Variants in TNN observed in about 807,000 individuals in gnomAD.
TNN encodes the protein tenascin N.
TNN carries 122 observed loss-of-function variants against 134.4 expected under a neutral mutation model. That is an observed-to-expected ratio of 0.91 (90% CI 0.78 to 1.06). The LOEUF (loss-of-function observed/expected upper bound fraction) is 1.06, where lower values mean the gene tolerates loss of function less well. Ranked by LOEUF, TNN falls within the 50% of genes least tolerant of loss-of-function variation. The pLI, the probability that TNN is intolerant of heterozygous loss-of-function variation, is 0.00. For missense variants in TNN, 1,739 were observed against 1,699.4 expected (o/e 1.02, Z -0.41); for synonymous variants, 710 against 670.3 (o/e 1.06, Z -0.91).
At chr1:175,135,497 T>G (rs1413207973) in intron 15 of TNN, among the ~76,000 whole-genome samples, 1 of 152,116 alleles carries the variant, frequency 6.6e-6, no homozygotes. Flanking sequence ...GTTGAATGGG[T>G]GTTGAAAGTT....
intron 6 of TNN, among the ~76,000 whole-genome samples, chr1:175,092,236 T>A (rs6661403): frequency 0.55 from 83,401 of 152,062 alleles, 23,469 homozygotes; most frequent in African/African-American, 0.69. Flanking sequence ...AGAAAGTTGT[T>A]ACAGGATGGG....
At chr1:175,109,574 T>C (rs1220266944) in intron 9 of TNN, among the ~76,000 whole-genome samples, 1 of 151,852 alleles carries the variant, frequency 6.6e-6, no homozygotes, top group Non-Finnish European at 1.5e-5. Flanking sequence ...CTTAACATAA[T>C]AACCTCCAGT....
chr1:175,079,028 G>A lies in TNN; in HGVS notation c.410-305G>A, dbSNP rs75414341. Among the ~76,000 whole-genome samples, 393 of 152,184 alleles carry A rather than the reference G, an allele frequency of 2.6e-3. 3 individuals carry two copies. The highest frequency in any genetic ancestry group is 9.1e-3 in the African/African-American group (379 of 41,510). Reference sequence around the variant, plus strand: ...CACCAGGTAGAGAGGAAGGAACCGGGGAATTCACACGGGAAGGGAAAGGAA... The same window carrying A: ...CACCAGGTAGAGAGGAAGGAACCGGAGAATTCACACGGGAAGGGAAAGGAA... On this transcript the variant is annotated intron_variant, in intron 2 of 18. Transcript: ENST00000239462.
chr1:175,102,798 G>T (rs1674761217), intron 9 of TNN, among the ~76,000 whole-genome samples: 1 of 146,408 alleles, frequency 6.8e-6, no homozygotes, highest in Non-Finnish European at 1.5e-5. Flanking sequence ...CAAAGTGGGA[G>T]CCCAGGCAGA....
intron 1 of TNN, among the ~76,000 whole-genome samples, chr1:175,072,926 C>CT (rs60879960): frequency 0.021 from 964 of 46,714 alleles, 32 homozygotes; most frequent in Admixed American, 0.1. Flanking sequence ...GAGTCCACGG[C>CT]TTTTTTTTTT....
chr1:175,136,755 AC>A, intron 16 of TNN, 65 bp from the exon 17 acceptor site: 1 of 1,490,870 alleles, frequency 6.7e-7, no homozygotes, highest in Non-Finnish European at 9.2e-7. Flanking sequence ...CCTCAGACAC[AC>A]ATGTTGAGTG....
chr1:175,089,799 C>T (rs1178785043), intron 6 of TNN, among the ~76,000 whole-genome samples: 1 of 152,226 alleles, frequency 6.6e-6, no homozygotes, highest in Non-Finnish European at 1.5e-5. Context: ...GAACTTTCCT[C>T]CTTAGACTAT....
chr1:175,118,476 G>C (rs1338884087), intron 10 of TNN, 85 bp from the exon 11 acceptor site: 46 of 1,522,254 alleles, frequency 3.0e-5, no homozygotes, highest in Non-Finnish European at 4.1e-5. Context: ...AACATGAAAG[G>C]GTTTCACCCC....
At chr1:175,082,190 T>C (rs749564163) in intron 4 of TNN, among the ~76,000 whole-genome samples, 1 of 152,200 alleles carries the variant, frequency 6.6e-6, no homozygotes, top group Non-Finnish European at 1.5e-5. Flanking sequence ...CTGGTACAGC[T>C]AGCACTGTGT....
At chr1:175,109,434 C>T (rs905934240) in intron 9 of TNN, among the ~76,000 whole-genome samples, 4 of 151,946 alleles carry the variant, frequency 2.6e-5, no homozygotes, top group Non-Finnish European at 4.4e-5. Context: ...TGTTCATTCC[C>T]CTTACTCCTA....
chr1:175,130,769 C>T (rs529207819), intron 15 of TNN, among the ~76,000 whole-genome samples: 2 of 152,296 alleles, frequency 1.3e-5, no homozygotes, highest in African/African-American at 4.8e-5. Context: ...CAACAGAAAT[C>T]CCTGCCCCCA....
intron 12 of TNN, 107 bp from the exon 13 acceptor site, chr1:175,126,848 G>A: frequency 8.0e-7 from 1 of 1,256,856 alleles, no homozygotes. Context: ...AAAGAAGGAG[G>A]AGAAATGGGA....
Position 175,106,950 on chromosome 1 carries a change from G to A in TNN, c.2119+8355G>A, listed in dbSNP as rs185391797. Among the ~76,000 whole-genome samples, 260 of 146,106 alleles carry A rather than the reference G, an allele frequency of 1.8e-3. 22 individuals are homozygous for A. The highest frequency in any genetic ancestry group is 6.0e-3 in the African/African-American group (244 of 40,564). The stretch of plus-strand genomic sequence containing the variant: ...ACTTTTAAATGGCTGACAGATGCCC[G>A]GTATTTAGCCCCCGAATTCTAAAGA... On this transcript the variant is annotated intron_variant, in intron 9 of 18. Coordinates refer to ENST00000239462, the MANE Select transcript of TNN (RefSeq NM_022093.2).
intron 16 of TNN, 69 bp from the exon 17 acceptor site, chr1:175,136,752 C>T (rs1675821321): frequency 6.8e-7 from 1 of 1,466,538 alleles, no homozygotes; most frequent in Non-Finnish European, 9.3e-7. Flanking sequence ...AAGCCTCAGA[C>T]ACACATGTTG....
At position 175,123,429 on chromosome 1, in the gene TNN, G is replaced by A. The variant is rs1369127221; in HGVS notation, c.2680G>A (p.Asp894Asn). The change falls in exon 12 of 19, where the codon GAC (aspartate) becomes AAC (asparagine). Residue 894 changes from aspartate to asparagine, a missense_variant. Transcript: ENST00000239462. The part of the protein sequence containing the change: ...EIDGPKNLVT[D>N]WVTENMATVS... ...TGACGGCCCCAAAAACCTAGTGACT[G>A]ACTGGGTGACGGAGAATATGGCCAC... 4 of 1,614,056 alleles carry A rather than the reference G, an allele frequency of 2.5e-6. No individual in the cohort carries two copies. The highest frequency in any genetic ancestry group is 3.4e-6 in the Non-Finnish European group (4 of 1,180,036).
chr1:175,117,681 T>C (rs1391770593), intron 10 of TNN, among the ~76,000 whole-genome samples: 2 of 152,178 alleles, frequency 1.3e-5, no homozygotes, highest in African/African-American at 4.8e-5. Flanking sequence ...TATGATAAGT[T>C]CTATGAAGGA....
In TNN at chr1:175,144,358, C is replaced by G. The variant is rs543746205; in HGVS notation, c.3596-29C>G. On this transcript the variant is annotated intron_variant, in intron 17 of 18. Coordinates refer to ENST00000239462, the MANE Select transcript of TNN (RefSeq NM_022093.2). ...CATCTCCTCGGTGGCTAACCCTGGG[C>G]TCTCGCCTCCGTCTCTTCTCTCCTG... 1.1e-5 allele frequency: 17 copies of G among 1,607,240 alleles called. No homozygotes were observed. In the African/African-American group the frequency reaches 2.0e-4, roughly 19 times the overall value.
chr1:175,113,645 G>A (rs1215686480), intron 9 of TNN, among the ~76,000 whole-genome samples: 1 of 151,956 alleles, frequency 6.6e-6, no homozygotes, highest in African/African-American at 2.4e-5. Context: ...CATTAAGTAG[G>A]TTTTCTATAC....
intron 6 of TNN, among the ~76,000 whole-genome samples, chr1:175,091,698 C>T (rs185398204): frequency 6.6e-6 from 1 of 151,988 alleles, no homozygotes. Flanking sequence ...AAGCCATTCT[C>T]GTGCCTCAGC....
Sources: allele counts gnomAD v4.1 joint callset (sites outside exome capture counted in the v4.1 genomes callset), GRCh38; gene constraint gnomAD v4.1.1; transcripts MANE v1.5; gene names NCBI Gene and HGNC (gene_info 2026-07-23, HGNC 2026-07-21).